IFT140: variants seen among roughly 807,000 people sequenced by gnomAD.
IFT140 encodes the protein intraflagellar transport protein 140 homolog.
IFT140 carries 133 observed loss-of-function variants against 164.6 expected under a neutral mutation model. The ratio of observed to expected loss-of-function variants is 0.81; its 90% CI spans 0.70 to 0.93. The LOEUF is 0.93. IFT140 is among the 40% of genes least tolerant of loss of function. The pLI is 0.00. For synonymous variants in IFT140, 860 were observed against 817.3 expected, an observed-to-expected ratio of 1.05 and a Z score of -0.89; for missense variants, 2,045 against 1,972.3, an observed-to-expected ratio of 1.04 and a Z score of -0.70.
chr16:1,592,858 G>A (rs1220153797), intron 4 of IFT140, among the ~76,000 whole-genome samples: 3 of 151,810 alleles, frequency 2.0e-5, no homozygotes, highest in African/African-American at 7.3e-5. Flanking sequence ...GTCACTGGCG[G>A]AGGGACAGGT....
chr16:1,516,532 G>A (rs536480002), intron 30 of IFT140, among the ~76,000 whole-genome samples: 67 of 152,246 alleles, frequency 4.4e-4, no homozygotes, highest in Admixed American at 1.4e-3. Context: ...CACTTTGGGA[G>A]GCCGAGGCGG....
chr16:1,542,743 G>A (rs538121543), intron 19 of IFT140, among the ~76,000 whole-genome samples: 10 of 152,342 alleles, frequency 6.6e-5, no homozygotes, highest in Admixed American at 2.6e-4. Flanking sequence ...TGATGCAGAC[G>A]GCAGGACCAT....
intron 30 of IFT140, chr16:1,513,328 AAAATAAAT>A (rs1323684848): frequency 2.0e-5 from 3 of 152,122 alleles, no homozygotes; most frequent in African/African-American, 7.2e-5. Context: ...TCTCTACTAA[AAAATAAAT>A]AAATAAATAC....
chr16:1,516,662 C>T lies in IFT140; in HGVS notation c.4182+1554G>A, dbSNP rs1391705588. ...GCGGGCGCCTGTAGTCCCAGCTACT[C>T]GGGAGGCTGAGGTAGGAGAATGGCG... On this transcript the variant is annotated intron_variant, in intron 30 of 30. Transcript: ENST00000426508. 8.0e-5 allele frequency among the ~76,000 whole-genome samples: 12 copies of T among 149,560 alleles called. No homozygotes were observed. In the South Asian group the frequency reaches 1.7e-3, roughly 21 times the overall value.
intron 30 of IFT140, among the ~76,000 whole-genome samples, chr16:1,511,383 G>A (rs1350384498): frequency 6.6e-6 from 1 of 152,240 alleles, no homozygotes; most frequent in African/African-American, 2.4e-5. Flanking sequence ...GGAAGCTTCG[G>A]TCAGCATTTC....
Position 1,553,693 on chromosome 16 carries a change from G to A in IFT140, c.2399+4242C>T. On this transcript the variant is annotated intron_variant, in intron 19 of 30. Coordinates refer to ENST00000426508, the MANE Select transcript of IFT140 (RefSeq NM_014714.4). The surrounding 1 kb of genome is among the most constrained non-coding windows in gnomAD (Gnocchi z 4.4). ...GCGGGGCTGGGGCTGAAGGCTGGCT[G>A]GAGGCCCCATGGCCTCCAGGACAAT... 1 of 1,074,846 alleles carries A rather than the reference G, an allele frequency of 9.3e-7. No homozygotes were observed. Among genetic ancestry groups the A allele is most frequent in the Non-Finnish European group, 1.1e-6 (1 of 879,806 alleles). The allele number at this position is 1,074,846 out of a possible 1,614,324, so 66.6% of individuals were successfully genotyped here.
rs2036102675 is a variant in IFT140 at position 1,606,977 on chromosome 16, CAT to C, written c.147+141_147+142del. On this transcript the variant is annotated intron_variant, in intron 3 of 30. Transcript: ENST00000426508. Reference sequence around the variant, plus strand: ...ATATGCGCATACACACACCAATACACATACACGCACACACAGATGCATGTATA... The same window carrying C: ...ATATGCGCATACACACACCAATACACACACGCACACACAGATGCATGTATA... 10 of 797,552 alleles carry C rather than the reference CAT, an allele frequency of 1.3e-5. No homozygotes were observed. In the East Asian group the frequency reaches 2.5e-4, roughly 20 times the overall value. The allele number at this position is 797,552 out of a possible 1,614,324, so 49.4% of individuals were successfully genotyped here.
At chr16:1,547,154 T>C (rs1317999643) in intron 19 of IFT140, among the ~76,000 whole-genome samples, 1 of 152,232 alleles carries the variant, frequency 6.6e-6, no homozygotes, top group Non-Finnish European at 1.5e-5. Flanking sequence ...CCTTGTAATT[T>C]GTATAAATGA....
chr16:1,572,948 C>T (rs747593476), intron 13 of IFT140, among the ~76,000 whole-genome samples: 10 of 152,302 alleles, frequency 6.6e-5, no homozygotes, highest in Non-Finnish European at 1.3e-4. Flanking sequence ...AGGGAAGGCA[C>T]AGATCTAGTG....
At chr16:1,592,150 T>C (rs1394222138) in intron 6 of IFT140, 26 bp downstream of exon 6, 2 of 1,609,008 alleles carry the variant, frequency 1.2e-6, no homozygotes, top group Middle Eastern at 1.7e-4. Context: ...CTAGGACCCC[T>C]GAGAATCACA....
intron 13 of IFT140, among the ~76,000 whole-genome samples, chr16:1,572,691 C>A (rs534473027): frequency 1.3e-5 from 2 of 152,190 alleles, no homozygotes; most frequent in South Asian, 4.1e-4. Flanking sequence ...ACAGTCACCC[C>A]ACAGTTGCGC....
chr16:1,560,391 A>G (rs1182633370), intron 18 of IFT140, among the ~76,000 whole-genome samples: 4 of 152,202 alleles, frequency 2.6e-5, no homozygotes, highest in Non-Finnish European at 4.4e-5. Context: ...GTTTGTGTGA[A>G]TGCTGTTAAT....
At chr16:1,587,726 G>A (rs1040268440) in intron 8 of IFT140, among the ~76,000 whole-genome samples, 3 of 152,224 alleles carry the variant, frequency 2.0e-5, no homozygotes, top group Admixed American at 1.3e-4. Context: ...AGCCCCGAGG[G>A]AGTGCAGTGG....
chr16:1,584,102 G>T, intron 11 of IFT140, 115 bp downstream of exon 11: 1 of 753,568 alleles, frequency 1.3e-6, no homozygotes, highest in Non-Finnish European at 2.2e-6. Context: ...AGAGAATCTA[G>T]GATGGAACTG....
At position 1,529,008 on chromosome 16, in the gene IFT140, G is replaced by A. The variant is rs551282322; in HGVS notation, c.2400-2212C>T. ...CGAGATGGTAGCCCCGGGCAGGCTC[G>A]GTGCACTTGTGTCTGAGTCTAGGGG... On this transcript the variant is annotated intron_variant, in intron 19 of 30. Coordinates refer to ENST00000426508, the MANE Select transcript of IFT140 (RefSeq NM_014714.4). Among the ~76,000 whole-genome samples the A allele has an allele frequency of 1.1e-3, 174 of 152,244 alleles. 3 individuals are homozygous for A. The highest frequency in any genetic ancestry group is 3.3e-4 in the Admixed American group (5 of 15,302).
intron 4 of IFT140, among the ~76,000 whole-genome samples, chr16:1,594,744 G>A (rs2035364932): frequency 6.6e-6 from 1 of 152,234 alleles, no homozygotes; most frequent in African/African-American, 2.4e-5. Flanking sequence ...CCCGGGACGA[G>A]GGGATGCGGT....
Position 1,589,720 on chromosome 16 carries a change from G to A in IFT140, c.695C>T (p.Thr232Met), listed in dbSNP as rs373258796. 3.1e-5 allele frequency: 50 copies of A among 1,613,986 alleles called. No individual in the cohort carries two copies. Among genetic ancestry groups the A allele is most frequent in the African/African-American group, 1.2e-4 (9 of 74,908 alleles). Residue 232 changes from threonine to methionine, a missense_variant, in exon 7 of 31, where the codon ACG becomes ATG. Coordinates refer to ENST00000426508, the MANE Select transcript of IFT140 (RefSeq NM_014714.4). ...KTTQVVSADS[T>M]IQMLFYMEKR... ...CTCCATGTAGAACAGCATCTGAATCGTGCTGTCTGCGGACACCACCTGAGT... is the reference window on the plus strand; with the variant it reads ...CTCCATGTAGAACAGCATCTGAATCATGCTGTCTGCGGACACCACCTGAGT...
chr16:1,521,548 C>A (rs1190766816), intron 26 of IFT140, among the ~76,000 whole-genome samples: 1 of 151,896 alleles, frequency 6.6e-6, no homozygotes. Context: ...GCCACCATGC[C>A]CGGCTAATTT....
intron 19 of IFT140, among the ~76,000 whole-genome samples, chr16:1,545,389 C>A (rs912771489): frequency 6.6e-6 from 1 of 152,246 alleles, no homozygotes; most frequent in East Asian, 1.9e-4. Context: ...ACCATCACCC[C>A]TAACGGGTCT....
Sources: gnomAD v4.1 joint callset for allele counts (sites outside exome capture counted in the v4.1 genomes callset) on GRCh38, gnomAD v4.1.1 for gene constraint, Gnocchi (gnomAD v3.1) non-coding constraint, MANE v1.5 for transcripts, NCBI Gene and HGNC (gene_info 2026-07-23, HGNC 2026-07-21) for gene names.